FHIT: variants seen among roughly 807,000 people sequenced by gnomAD.
FHIT encodes fragile histidine triad diadenosine triphosphatase, also known as bis(5'-adenosyl)-triphosphatase.
In FHIT, 19 loss-of-function variants were observed where a neutral mutation model predicts 17.9. The ratio of observed to expected loss-of-function variants is 1.06; its 90% confidence interval spans 0.74 to 1.56. The LOEUF is 1.56. Among genes scored for constraint, FHIT ranks in the 40% most tolerant of loss-of-function variants. The pLI is 0.00. For synonymous variants in FHIT, 81 were observed against 69.7 expected (o/e 1.16, Z -0.81); for missense variants, 248 against 189.2 (o/e 1.31, Z -1.82).
chr3:59,947,687 C>T (rs1706883595), intron 7 of FHIT, among the ~76,000 whole-genome samples: 1 of 152,086 alleles, frequency 6.6e-6, no homozygotes, highest in Admixed American at 6.5e-5. Context: ...GTTCTCTGCC[C>T]CTCAAGGTTA....
At chr3:59,913,563 GATT>G (rs1180376445) in intron 8 of FHIT, among the ~76,000 whole-genome samples, 1 of 151,972 alleles carries the variant, frequency 6.6e-6, no homozygotes, top group South Asian at 2.1e-4. Context: ...GTAATAATTT[GATT>G]ATTATTCTCA....
intron 5 of FHIT, among the ~76,000 whole-genome samples, chr3:60,476,179 C>A (rs1395611462): frequency 6.6e-6 from 1 of 152,114 alleles, no homozygotes; most frequent in Non-Finnish European, 1.5e-5. Flanking sequence ...TTTAACGTAC[C>A]TGAGCCTCAG....
Position 60,439,570 on chromosome 3 carries a change from AGTGATTCC to A in FHIT, c.103+97282_103+97289del, listed in dbSNP as rs1249808720. On this transcript the variant is annotated intron_variant, in intron 5 of 9. Coordinates refer to ENST00000492590, the MANE Select transcript of FHIT (RefSeq NM_002012.4). ...TGGATGACATCCTGAGTCATCAGTC[AGTGATTCC>A]TGGTCTCAGTCAGTGATTCCTCCAG... Among the ~76,000 whole-genome samples the A allele has an allele frequency of 5.4e-3, 815 of 152,188 alleles. 9 individuals are homozygous for A. The highest frequency in any genetic ancestry group is 0.019 in the African/African-American group (785 of 41,554).
In FHIT at chr3:60,794,373, AATGGATGGATGGATGGATGG is replaced by A. The variant is rs34723569; in HGVS notation, c.-18+27526_-18+27545del. On this transcript the variant is annotated intron_variant, in intron 4 of 9. Coordinates refer to ENST00000492590, the MANE Select transcript of FHIT (RefSeq NM_002012.4). ...GCAAAGAGGAAGGAAGGGAAGGAAA[AATGGATGGATGGATGGATGG>A]ATGGATGGATGGATGGATGGATGGA... Among the ~76,000 whole-genome samples, 4 of 149,504 alleles carry A rather than the reference AATGGATGGATGGATGGATGG, an allele frequency of 2.7e-5. No homozygotes were observed. In the East Asian group the frequency reaches 7.8e-4, roughly 29 times the overall value.
chr3:60,347,373 T>G (rs1228585213), intron 5 of FHIT, among the ~76,000 whole-genome samples: 1 of 152,108 alleles, frequency 6.6e-6, no homozygotes. Flanking sequence ...GTAAGTTGTC[T>G]GCAAATAAAT....
At chr3:61,014,803 A>ATATACAT (rs1312888192) in intron 3 of FHIT, among the ~76,000 whole-genome samples, 1 of 52,160 alleles carries the variant, frequency 1.9e-5, no homozygotes, top group Non-Finnish European at 4.3e-5. Flanking sequence ...AAAAAAAAAA[A>ATATACAT]AAAAATATAT....
intron 3 of FHIT, among the ~76,000 whole-genome samples, chr3:61,014,234 T>C (rs369557090): frequency 6.6e-6 from 1 of 152,278 alleles, no homozygotes; most frequent in East Asian, 1.9e-4. Context: ...AGCAATGAGA[T>C]ACCATGATTC....
At chr3:60,615,988 T>C (rs1183456669) in intron 4 of FHIT, among the ~76,000 whole-genome samples, 2 of 152,212 alleles carry the variant, frequency 1.3e-5, no homozygotes, top group Admixed American at 6.5e-5. Context: ...TTGCTGTACA[T>C]TGAGAGATGT....
At chr3:60,081,528 T>C (rs76379487) in intron 5 of FHIT, among the ~76,000 whole-genome samples, 4,094 of 152,236 alleles carry the variant, frequency 0.027, 77 homozygotes, top group Non-Finnish European at 0.04. Context: ...CAAGGAACTA[T>C]TGGCTAATCA....
chr3:60,009,333 A>G (rs988091694), intron 7 of FHIT, among the ~76,000 whole-genome samples: 1 of 152,202 alleles, frequency 6.6e-6, no homozygotes, highest in East Asian at 1.9e-4. Context: ...CAACTGAAAG[A>G]TGTGCAAAAC....
At chr3:60,628,988 A>G (rs1037306774) in intron 4 of FHIT, among the ~76,000 whole-genome samples, 3 of 151,898 alleles carry the variant, frequency 2.0e-5, no homozygotes, top group African/African-American at 7.3e-5. Flanking sequence ...CCTATGAGTA[A>G]GCTGAGGCAA....
At chr3:60,234,530 A>G (rs765997087) in intron 5 of FHIT, among the ~76,000 whole-genome samples, 4 of 152,222 alleles carry the variant, frequency 2.6e-5, no homozygotes, top group Non-Finnish European at 4.4e-5. Context: ...TATGATTGCT[A>G]TATCTCGAGC....
intron 5 of FHIT, among the ~76,000 whole-genome samples, chr3:60,216,966 C>A (rs73099430): frequency 0.043 from 6,531 of 152,222 alleles, 167 homozygotes; most frequent in Middle Eastern, 0.054. Flanking sequence ...TCCATTTTAT[C>A]CAACTACCCA....
At chr3:60,050,849 G>A (rs1409135228) in intron 5 of FHIT, among the ~76,000 whole-genome samples, 1 of 152,160 alleles carries the variant, frequency 6.6e-6, no homozygotes, top group East Asian at 1.9e-4. Context: ...TGATATTCCA[G>A]AAATCAGACT....
chr3:60,764,458 G>A (rs1699778908), intron 4 of FHIT, among the ~76,000 whole-genome samples: 1 of 151,766 alleles, frequency 6.6e-6, no homozygotes, highest in South Asian at 2.1e-4. Flanking sequence ...CAATGGAACA[G>A]TGGACTGCAG....
chr3:61,112,031 A>G (rs2036173122), intron 2 of FHIT, among the ~76,000 whole-genome samples: 1 of 152,138 alleles, frequency 6.6e-6, no homozygotes, highest in Non-Finnish European at 1.5e-5. Context: ...ACCCCTTTTT[A>G]TAGATCAGGA....
chr3:61,216,475 A>C (rs1267789019), intron 1 of FHIT, among the ~76,000 whole-genome samples: 1 of 152,268 alleles, frequency 6.6e-6, no homozygotes, highest in Non-Finnish European at 1.5e-5. Context: ...AATGGCAATC[A>C]TTAAAAAGTC....
chr3:60,122,909 T>G (rs1705324314), intron 5 of FHIT, among the ~76,000 whole-genome samples: 1 of 152,224 alleles, frequency 6.6e-6, no homozygotes, highest in East Asian at 1.9e-4. Context: ...GTTTCCAGAG[T>G]TTTAAAATGG....
rs114602134 is a variant in FHIT, at chr3:60,896,172, G to T, written c.-110-74161C>A. On this transcript the variant is annotated intron_variant, in intron 3 of 9. Coordinates refer to ENST00000492590, the MANE Select transcript of FHIT (RefSeq NM_002012.4). ...ACAGTTTCATCCTGAAACTATCCCC[G>T]CTCCCCTGCCACCGATGGAAAAATT... is the stretch of plus-strand genomic sequence containing the variant. Among the ~76,000 whole-genome samples, 754 of 152,086 alleles carry T rather than the reference G, an allele frequency of 5.0e-3. 10 individuals carry two copies. The highest frequency in any genetic ancestry group is 0.017 in the African/African-American group (705 of 41,490).
Sources: allele counts gnomAD v4.1 joint callset (sites outside exome capture counted in the v4.1 genomes callset), GRCh38; gene constraint gnomAD v4.1.1; transcripts MANE v1.5; gene names NCBI Gene and HGNC (gene_info 2026-07-23, HGNC 2026-07-21).